Variants in HYCC2 observed in about 807,000 individuals in gnomAD.
The protein encoded by HYCC2 is hyccin 2.
At chr2:201,031,345 T>C in the HYCC2 span, among the ~76,000 whole-genome samples, 7 of 152,022 alleles carry the variant, frequency 4.6e-5, no homozygotes, top group South Asian at 1.0e-3. Flanking sequence ...GAAATCACAA[T>C]ATATATTACT....
At chr2:200,992,791 A>G in the HYCC2 span, 1 of 808,504 alleles carries the variant, frequency 1.2e-6, no homozygotes, top group East Asian at 2.5e-5. Context: ...ATGGAACAAA[A>G]GATTCAGTAT....
chr2:200,993,141 G>A, the HYCC2 span: 1 of 605,560 alleles, frequency 1.7e-6, no homozygotes. Flanking sequence ...TCATCGTTCT[G>A]GGCCTAGGCA....
the HYCC2 span, chr2:200,977,232 T>C: frequency 3.3e-5 from 5 of 152,166 alleles, no homozygotes; most frequent in African/African-American, 1.2e-4. Flanking sequence ...ACCAGAACTA[T>C]AAAGAAACTG....
At chr2:201,058,431 C>A in the HYCC2 span, among the ~76,000 whole-genome samples, 2 of 152,238 alleles carry the variant, frequency 1.3e-5, no homozygotes, top group African/African-American at 4.8e-5. Flanking sequence ...AGGTATTAGG[C>A]CCAGCACAGC....
the HYCC2 span, among the ~76,000 whole-genome samples, chr2:201,013,643 G>A: frequency 6.6e-4 from 100 of 152,264 alleles, no homozygotes; most frequent in African/African-American, 2.3e-3. Flanking sequence ...TAGGAAAATA[G>A]GTCTGAAAAG....
At chr2:201,029,730 G>A in the HYCC2 span, among the ~76,000 whole-genome samples, 1 of 152,104 alleles carries the variant, frequency 6.6e-6, no homozygotes, top group East Asian at 1.9e-4. Flanking sequence ...ATTGAACAAT[G>A]AGAACACTTG....
At chr2:201,017,545 T>C in the HYCC2 span, among the ~76,000 whole-genome samples, 6 of 152,204 alleles carry the variant, frequency 3.9e-5, no homozygotes, top group African/African-American at 7.2e-5. Flanking sequence ...TTGCATAATA[T>C]TGCTGGGAAT....
the HYCC2 span, among the ~76,000 whole-genome samples, chr2:200,990,372 T>A: frequency 6.6e-6 from 1 of 152,060 alleles, no homozygotes; most frequent in East Asian, 1.9e-4. Context: ...AAGAATGCCT[T>A]CCTCACTTCA....
chr2:200,982,691 A>C, the HYCC2 span, among the ~76,000 whole-genome samples: 1 of 152,188 alleles, frequency 6.6e-6, no homozygotes, highest in Non-Finnish European at 1.5e-5. Flanking sequence ...GTATTGTCAT[A>C]ATCACAAAAT....
chr2:200,992,867 T>C, the HYCC2 span: 24 of 1,411,482 alleles, frequency 1.7e-5, no homozygotes, highest in Non-Finnish European at 2.0e-5. Context: ...TTCATACAAT[T>C]TTATATTCCA....
chr2:201,058,700 T>C, the HYCC2 span, among the ~76,000 whole-genome samples: 1 of 152,000 alleles, frequency 6.6e-6, no homozygotes, highest in Non-Finnish European at 1.5e-5. Flanking sequence ...CCAGACCCCA[T>C]CTCAAGAAAA....
At chr2:201,017,262 T>C in the HYCC2 span, 1 of 916,990 alleles carries the variant, frequency 1.1e-6, no homozygotes, top group Non-Finnish European at 1.6e-6. Flanking sequence ...CTGTATAATA[T>C]TTTTAAAAGT....
chr2:201,019,757 A>T, the HYCC2 span, among the ~76,000 whole-genome samples: 1 of 134,372 alleles, frequency 7.4e-6, no homozygotes, highest in Non-Finnish European at 1.6e-5. Context: ...GCCCTGTCTT[A>T]AAAAAAAAAA....
At chr2:201,037,721 T>C in the HYCC2 span, among the ~76,000 whole-genome samples, 17 of 152,154 alleles carry the variant, frequency 1.1e-4, no homozygotes, top group Non-Finnish European at 2.1e-4. Context: ...GCCTTCCTTA[T>C]ACCTTATACA....
At chr2:201,034,331 T>C in the HYCC2 span, among the ~76,000 whole-genome samples, 36 of 152,362 alleles carry the variant, frequency 2.4e-4, no homozygotes, top group South Asian at 2.1e-3. Flanking sequence ...TAGCTCTTCT[T>C]GTTGAATTGA....
chr2:200,989,944 T>C, the HYCC2 span, among the ~76,000 whole-genome samples: 1 of 151,982 alleles, frequency 6.6e-6, no homozygotes, highest in Admixed American at 6.5e-5. Flanking sequence ...TGGAAAGGAA[T>C]AAAAATCCAT....
chr2:201,065,865 G>C, the HYCC2 span, among the ~76,000 whole-genome samples: 5 of 152,220 alleles, frequency 3.3e-5, no homozygotes, highest in Non-Finnish European at 7.4e-5. Flanking sequence ...CACAGATTGA[G>C]AACCATCATA....
chr2:201,006,361 G>A, the HYCC2 span, among the ~76,000 whole-genome samples: 2 of 140,938 alleles, frequency 1.4e-5, no homozygotes, highest in South Asian at 2.2e-4. Context: ...GGCTGGTTTT[G>A]AACTCCTGAC....
At chr2:201,043,203 G>T in the HYCC2 span, among the ~76,000 whole-genome samples, 4 of 152,122 alleles carry the variant, frequency 2.6e-5, no homozygotes, top group Non-Finnish European at 4.4e-5. Flanking sequence ...TGCAAGTTGT[G>T]CTTTGTTAAA....
Sources: allele counts gnomAD v4.1 joint callset (sites outside exome capture counted in the v4.1 genomes callset), GRCh38; gene constraint gnomAD v4.1.1; transcripts MANE v1.5; gene names NCBI Gene and HGNC (gene_info 2026-07-23, HGNC 2026-07-21).